KLF8: variants seen among roughly 807,000 people sequenced by gnomAD.
The protein encoded by KLF8 is KLF transcription factor 8.
In KLF8, 10 loss-of-function variants were observed where a neutral mutation model predicts 18.2. The ratio of observed to expected loss-of-function variants is 0.55; its 90% CI spans 0.34 to 0.93. The LOEUF is 0.93. Ranked by LOEUF, KLF8 falls within the 40% of genes least tolerant of loss-of-function variation. The pLI is 0.02. For synonymous variants in KLF8, 109 were observed against 97.3 expected (o/e 1.12, Z -0.71); for missense variants, 264 against 277.9 (o/e 0.95, Z 0.36).
chrX:56,201,660 T>C, the KLF8 span, among the ~76,000 whole-genome samples: 1 of 111,211 alleles, frequency 9.0e-6, no homozygotes, highest in African/African-American at 3.3e-5. Context: ...CTTTGGGAGG[T>C]GATGGATATG....
At chrX:56,250,336 T>C in intron 2 of KLF8, 32 bp downstream of exon 2, 1 of 1,012,433 alleles carries the variant, frequency 9.9e-7, no homozygotes, top group Non-Finnish European at 1.4e-6. Flanking sequence ...GTGCTAATAT[T>C]GGGCCATAAT....
the KLF8 span, among the ~76,000 whole-genome samples, chrX:56,162,345 T>A: frequency 8.9e-6 from 1 of 112,211 alleles, no homozygotes; most frequent in African/African-American, 3.2e-5. Context: ...TGCCTTTTGT[T>A]TGGCTATGCC....
intron 5 of KLF8, among the ~76,000 whole-genome samples, chrX:56,276,292 T>G (rs1312796657): frequency 9.0e-6 from 1 of 111,267 alleles, no homozygotes; most frequent in Non-Finnish European, 1.9e-5. Context: ...GTTCAGGTTT[T>G]GGATTTCTTC....
At chrX:56,084,890 C>T in the KLF8 span, among the ~76,000 whole-genome samples, 1 of 111,986 alleles carries the variant, frequency 8.9e-6, no homozygotes, top group South Asian at 3.7e-4. Context: ...AAGGATGCTG[C>T]CTGTGTAACT....
the KLF8 span, among the ~76,000 whole-genome samples, chrX:56,205,844 A>C: frequency 9.0e-6 from 1 of 111,582 alleles, no homozygotes; most frequent in Non-Finnish European, 1.9e-5. Flanking sequence ...CTTATTATTC[A>C]TCTGTTTGTG....
chrX:56,040,275 G>T, the KLF8 span, among the ~76,000 whole-genome samples: 1 of 111,572 alleles, frequency 9.0e-6, no homozygotes, highest in African/African-American at 3.3e-5. Context: ...AATAGGAGTG[G>T]TGGGAGAGGG....
chrX:56,268,706 G>GT (rs1488068686), intron 3 of KLF8: 3 of 780,656 alleles, frequency 3.8e-6, no homozygotes, highest in Admixed American at 7.8e-5. Flanking sequence ...CCACCCCCAA[G>GT]TTTCTTCTCT....
At chrX:56,172,149 T>C in the KLF8 span, among the ~76,000 whole-genome samples, 1 of 110,163 alleles carries the variant, frequency 9.1e-6, no homozygotes, top group Non-Finnish European at 1.9e-5. Flanking sequence ...GGTACAGGTG[T>C]ACAACATGCA....
chrX:56,199,768 A>G, the KLF8 span, among the ~76,000 whole-genome samples: 1 of 111,910 alleles, frequency 8.9e-6, no homozygotes, highest in Non-Finnish European at 1.9e-5. Flanking sequence ...GCTTCTATAA[A>G]GACACATGCA....
chrX:55,941,749 G>A, the KLF8 span, among the ~76,000 whole-genome samples: 17 of 111,845 alleles, frequency 1.5e-4, no homozygotes, highest in African/African-American at 1.9e-4. Flanking sequence ...TTATGCAGCC[G>A]AAAGACACAT....
chrX:56,008,390 A>G, the KLF8 span, among the ~76,000 whole-genome samples: 1 of 110,841 alleles, frequency 9.0e-6, no homozygotes, highest in Non-Finnish European at 1.9e-5. Flanking sequence ...AAGGAAAAGC[A>G]GGGTGGACTG....
the KLF8 span, among the ~76,000 whole-genome samples, chrX:56,188,492 A>G: frequency 8.9e-6 from 1 of 111,909 alleles, no homozygotes; most frequent in Non-Finnish European, 1.9e-5. Context: ...GCTACCAATG[A>G]CTTTCTTCAC....
At chrX:56,122,819 G>A in the KLF8 span, among the ~76,000 whole-genome samples, 8 of 110,648 alleles carry the variant, frequency 7.2e-5, no homozygotes, top group Non-Finnish European at 1.9e-5. Flanking sequence ...GAACTCCTGG[G>A]CTCAAGTGAT....
At chrX:56,249,736 C>A (rs985486504) in intron 1 of KLF8, among the ~76,000 whole-genome samples, 1 of 111,292 alleles carries the variant, frequency 9.0e-6, no homozygotes, top group Non-Finnish European at 1.9e-5. Context: ...ACACTAATTC[C>A]TTTTTTTAAG....
At chrX:56,157,055 T>TA in the KLF8 span, among the ~76,000 whole-genome samples, 1 of 101,472 alleles carries the variant, frequency 9.9e-6, no homozygotes, top group East Asian at 3.1e-4. Flanking sequence ...TATGCAGCCA[T>TA]AAAAAAGGAT....
chrX:56,252,926 CATT>C (rs757919550), intron 2 of KLF8, among the ~76,000 whole-genome samples: 1 of 112,378 alleles, frequency 8.9e-6, no homozygotes, highest in Admixed American at 9.4e-5. Context: ...TTAAATATCT[CATT>C]GTAGTTTTGA....
At chrX:56,183,091 G>A in the KLF8 span, among the ~76,000 whole-genome samples, 1 of 112,303 alleles carries the variant, frequency 8.9e-6, no homozygotes, top group Non-Finnish European at 1.9e-5. Flanking sequence ...AGGCAAGTAA[G>A]CCTCCTTGAG....
chrX:56,021,538 A>G, the KLF8 span, among the ~76,000 whole-genome samples: 1 of 110,273 alleles, frequency 9.1e-6, no homozygotes, highest in Non-Finnish European at 1.9e-5. Flanking sequence ...GATTAGTTTT[A>G]GTCAGTACTG....
At chrX:56,233,365 C>A in intron 1 of KLF8, 24 bp downstream of exon 1, 1 of 1,022,225 alleles carries the variant, frequency 9.8e-7, no homozygotes. Context: ...GGACTAATAC[C>A]CACCCACTCC....
Sources: gnomAD v4.1 joint callset for allele counts (sites outside exome capture counted in the v4.1 genomes callset) on GRCh38, gnomAD v4.1.1 for gene constraint, MANE v1.5 for transcripts, NCBI Gene and HGNC (gene_info 2026-07-23, HGNC 2026-07-21) for gene names.